The following LINGO2 variants were observed in gnomAD, a reference collection of about 807,000 sequenced individuals.
LINGO2 encodes leucine rich repeat and Ig domain containing 2, also known as leucine-rich repeat and immunoglobulin-like domain-containing nogo receptor-interacting protein 2.
In LINGO2, 14 loss-of-function variants were observed where a neutral mutation model predicts 30.6. The ratio of observed to expected loss-of-function variants is 0.46; its 90% CI spans 0.30 to 0.72. LINGO2 has a LOEUF of 0.72. Among genes scored for constraint, LINGO2 ranks in the 30% least tolerant of loss-of-function variants. LINGO2 has a pLI of 0.07. For missense variants in LINGO2, 729 were observed against 751.7 expected (o/e 0.97, Z 0.35); for synonymous variants, 317 against 288.5 (o/e 1.10, Z -1.00).
At chr9:28,671,001 TC>T (rs1371398149), upstream of LINGO2, among the ~76,000 whole-genome samples, 1 of 152,298 alleles carries the variant, frequency 6.6e-6, no homozygotes, top group African/African-American at 2.4e-5. Context: ...CATTATTTTC[TC>T]CCATCTACTT....
chr9:28,418,173 T>C (rs772120627), intron 2 of LINGO2, among the ~76,000 whole-genome samples: 7 of 152,174 alleles, frequency 4.6e-5, no homozygotes, highest in Non-Finnish European at 1.0e-4. Flanking sequence ...AGTGTTCTTG[T>C]TCAGTAAGAA....
chr9:28,087,849 T>A (rs1563966473), intron 4 of LINGO2, among the ~76,000 whole-genome samples: 1 of 152,044 alleles, frequency 6.6e-6, no homozygotes, highest in Non-Finnish European at 1.5e-5. Flanking sequence ...TAGCTCCTAG[T>A]CTTCAATAGC....
Position 28,667,451 on chromosome 9 carries a change from C to G in LINGO2, c.-365+2749G>C, listed in dbSNP as rs563172897. The stretch of plus-strand genomic sequence containing the variant: ...CAAGTCATACCTAATCCTCTCAAAC[C>G]TTCAAATTCCCACTGGGCACGGTGG... On this transcript the variant is annotated intron_variant, in intron 1 of 5. Coordinates refer to ENST00000379992, the Ensembl canonical transcript of LINGO2. Among the ~76,000 whole-genome samples, 9 of 151,946 alleles carry G rather than the reference C, an allele frequency of 5.9e-5. No individual in the cohort carries two copies. The South Asian group carries it at 1.9e-3, about 32-fold the overall frequency.
chr9:28,462,096 T>C (rs539751677), intron 2 of LINGO2, among the ~76,000 whole-genome samples: 8 of 152,242 alleles, frequency 5.3e-5, no homozygotes, highest in African/African-American at 1.9e-4. Context: ...TCTTTATCTT[T>C]GTTTACATAA....
intron 1 of LINGO2, among the ~76,000 whole-genome samples, chr9:28,613,196 A>G (rs1009217094): frequency 1.3e-5 from 2 of 152,210 alleles, no homozygotes; most frequent in South Asian, 4.1e-4. Context: ...GTCTTGGGCA[A>G]TGCTTTATAG....
At chr9:28,490,884 A>G (rs1222006024) in intron 1 of LINGO2, among the ~76,000 whole-genome samples, 2 of 152,206 alleles carry the variant, frequency 1.3e-5, no homozygotes, top group Non-Finnish European at 2.9e-5. Flanking sequence ...TGCATCTCAC[A>G]TATATCAAAG....
the LINGO2 span, among the ~76,000 whole-genome samples, chr9:28,826,412 G>T: frequency 6.6e-6 from 1 of 152,260 alleles, no homozygotes; most frequent in Admixed American, 6.5e-5. Context: ...CCGCCACTCT[G>T]CTTCAGTGGG....
intron 4 of LINGO2, among the ~76,000 whole-genome samples, chr9:28,250,769 A>G (rs1822169009): frequency 6.6e-6 from 1 of 152,166 alleles, no homozygotes; most frequent in South Asian, 2.1e-4. Context: ...CTTATGCCCT[A>G]TCTGGCAGTA....
At position 28,129,116 on chromosome 9, in the gene LINGO2, C is replaced by A. The variant is rs533375971; in HGVS notation, c.-86-116711G>T. Among the ~76,000 whole-genome samples the A allele has an allele frequency of 6.6e-6, 1 of 152,274 alleles. No homozygotes were observed. The highest frequency in any genetic ancestry group is 6.5e-5 in the Admixed American group (1 of 15,292). Reference sequence around the variant, plus strand: ...TGCCAGAGGCTCTCAGGCCTTTGACCATAGAATGAAGCCTGCACTGTCAAC... The same window carrying A: ...TGCCAGAGGCTCTCAGGCCTTTGACAATAGAATGAAGCCTGCACTGTCAAC... On this transcript the variant is annotated intron_variant, in intron 4 of 5. Coordinates refer to ENST00000379992, the Ensembl canonical transcript of LINGO2. The surrounding 1 kb of genome is among the most constrained non-coding windows in gnomAD (Gnocchi z 4.0).
chr9:28,757,913 C>G, the LINGO2 span, among the ~76,000 whole-genome samples: 1 of 152,086 alleles, frequency 6.6e-6, no homozygotes, highest in East Asian at 1.9e-4. Flanking sequence ...GTACTTTTTG[C>G]CCTGGGCTAT....
intron 4 of LINGO2, among the ~76,000 whole-genome samples, chr9:28,015,488 A>ATAAC (rs112750507): frequency 6.6e-6 from 1 of 152,064 alleles, no homozygotes; most frequent in African/African-American, 2.4e-5. Context: ...TCAACGTTTA[A>ATAAC]ATAAGAAAAT....
the LINGO2 span, among the ~76,000 whole-genome samples, chr9:28,681,371 C>T: frequency 2.0e-5 from 3 of 151,964 alleles, 1 homozygote; most frequent in African/African-American, 4.8e-5. Flanking sequence ...TGAGAAGGGG[C>T]AATGATAGCA....
chr9:28,872,673 G>A, the LINGO2 span, among the ~76,000 whole-genome samples: 1 of 151,994 alleles, frequency 6.6e-6, no homozygotes, highest in African/African-American at 2.4e-5. Context: ...TAACCATATT[G>A]TTTTGATTAA....
intron 1 of LINGO2, among the ~76,000 whole-genome samples, chr9:28,595,845 C>G (rs142061687): frequency 6.6e-6 from 1 of 151,996 alleles, no homozygotes; most frequent in Non-Finnish European, 1.5e-5. Flanking sequence ...TTCTGGCAAC[C>G]AGATAATAAT....
At chr9:28,031,355 T>G (rs77288938) in intron 4 of LINGO2, among the ~76,000 whole-genome samples, 4 of 137,828 alleles carry the variant, frequency 2.9e-5, no homozygotes, top group Non-Finnish European at 6.1e-5. Context: ...ACAGGATGGT[T>G]TTTTTTTTTT....
At chr9:28,054,532 G>A (rs1171208718) in intron 4 of LINGO2, among the ~76,000 whole-genome samples, 2 of 152,046 alleles carry the variant, frequency 1.3e-5, no homozygotes, top group African/African-American at 4.8e-5. Context: ...TATGTTTACT[G>A]CATGAAGTTT....
intron 1 of LINGO2, among the ~76,000 whole-genome samples, chr9:28,565,879 T>G (rs1003034972): frequency 1.1e-4 from 16 of 152,078 alleles, no homozygotes; most frequent in African/African-American, 3.6e-4. Context: ...CTTGCTAACT[T>G]GGGGAAAGGT....
chr9:28,200,996 C>T (rs1820210694), intron 4 of LINGO2, among the ~76,000 whole-genome samples: 1 of 144,370 alleles, frequency 6.9e-6, no homozygotes, highest in Non-Finnish European at 1.5e-5. Context: ...ACAGATTCAG[C>T]TTTTTTTTTT....
intron 3 of LINGO2, among the ~76,000 whole-genome samples, chr9:28,364,276 AAG>A (rs1336534339): frequency 2.6e-5 from 4 of 152,140 alleles, no homozygotes; most frequent in Non-Finnish European, 4.4e-5. Context: ...TCTTTTTTGC[AAG>A]AGTCTCCTTT....
Sources: allele counts gnomAD v4.1 joint callset (sites outside exome capture counted in the v4.1 genomes callset), GRCh38; gene constraint gnomAD v4.1.1; non-coding constraint Gnocchi (gnomAD v3.1); transcripts MANE v1.5; gene names NCBI Gene and HGNC (gene_info 2026-07-23, HGNC 2026-07-21).